Variants in PDXDC1 observed in about 807,000 individuals in gnomAD.
The protein encoded by PDXDC1 is pyridoxal dependent decarboxylase domain containing 1.
A neutral mutation model predicts 100.1 loss-of-function variants in PDXDC1; 42 were observed. The observed-to-expected ratio is 0.42, with a 90% CI of 0.33 to 0.54. PDXDC1 has a LOEUF of 0.54. Among genes scored for constraint, PDXDC1 ranks in the 20% least tolerant of loss-of-function variants. PDXDC1 has a pLI of 0.10. For missense variants in PDXDC1, 636 were observed against 979.2 expected, an observed-to-expected ratio of 0.65 and a Z score of 4.68; for synonymous variants, 260 against 371.7, an observed-to-expected ratio of 0.70 and a Z score of 3.46.
At chr16:15,062,172 G>A (rs1271228255) in intron 16 of PDXDC1, among the ~76,000 whole-genome samples, 1 of 152,084 alleles carries the variant, frequency 6.6e-6, no homozygotes, top group Non-Finnish European at 1.5e-5. Context: ...CAGAACAAAA[G>A]CTCCCTCTGA....
At chr16:15,111,455 T>TGAA (rs2047056713) in intron 16 of PDXDC1, among the ~76,000 whole-genome samples, 1 of 26,870 alleles carries the variant, frequency 3.7e-5, no homozygotes, top group African/African-American at 9.4e-5. Context: ...AAACTCTGTC[T>TGAA]CAAAAAAAAA....
chr16:15,076,593 C>T, intron 16 of PDXDC1: 1 of 1,613,296 alleles, frequency 6.2e-7, no homozygotes. Context: ...TCTGTCCCAC[C>T]ACAAGTTTGA....
rs945394625 is a variant in PDXDC1 at position 15,135,229 on chromosome 16, A to C, written c.1400-3650A>C. The C allele has an allele frequency of 1.9e-5, 15 of 778,206 alleles. No individual in the cohort carries two copies. The South Asian group carries it at 2.4e-4, about 12-fold the overall frequency. The allele number at this position is 778,206 out of a possible 1,614,324, so 48.2% of individuals were successfully genotyped here. A position where few individuals can be genotyped will look rare whatever the true frequency, so the allele number is the denominator to read the frequency against. On this transcript the variant is annotated intron_variant, in intron 16 of 16. Coordinates refer to the PDXDC1 transcript ENST00000535621. Reference sequence around the variant, plus strand: ...AAAACACGGAAAACAGTAGATGAGCAGGGAGGTTGGGCTGTCCAAGGCAAG... The same window carrying C: ...AAAACACGGAAAACAGTAGATGAGCCGGGAGGTTGGGCTGTCCAAGGCAAG...
At chr16:15,017,247 T>A in intron 10 of PDXDC1, 74 bp from the exon 11 acceptor site, 1 of 1,605,898 alleles carries the variant, frequency 6.2e-7, no homozygotes, top group Non-Finnish European at 8.5e-7. Flanking sequence ...CTCTTCACAG[T>A]TTTTATGAAT....
downstream of PDXDC1, chr16:15,041,562 A>G (rs2151692689): frequency 8.5e-7 from 1 of 1,176,386 alleles, no homozygotes; most frequent in Admixed American, 1.7e-5. Context: ...CCACTGCAAG[A>G]CTGGGGACAA....
chr16:15,064,772 G>T (rs1004543290), intron 16 of PDXDC1, among the ~76,000 whole-genome samples: 5 of 152,178 alleles, frequency 3.3e-5, no homozygotes, highest in African/African-American at 1.2e-4. Context: ...TGAAATATAC[G>T]CAGGGAGACC....
Position 15,127,501 on chromosome 16 carries a change from A to G in PDXDC1, c.1400-11378A>G, listed in dbSNP as rs769762365. 4 of 1,558,390 alleles carry G rather than the reference A, an allele frequency of 2.6e-6. No homozygotes were observed. In the Admixed American group the frequency reaches 5.3e-5, roughly 21 times the overall value. On this transcript the variant is annotated intron_variant, in intron 16 of 16. Coordinates refer to the PDXDC1 transcript ENST00000535621. ...CCGGGACATCCAGAAGAGAAAGAGGATGGCCAGGTAGACGGGATAGACAAC... is the reference window on the plus strand; with the variant it reads ...CCGGGACATCCAGAAGAGAAAGAGGGTGGCCAGGTAGACGGGATAGACAAC...
Position 15,111,497 on chromosome 16 carries a change from C to T in PDXDC1, c.1400-27382C>T, listed in dbSNP as rs1412307322. The stretch of plus-strand genomic sequence containing the variant: ...AAAATAGGCCAGGTGTGGTAGCTCA[C>T]GCCTGTAATCCTAGCACTTTGGGAG... On this transcript the variant is annotated intron_variant, in intron 16 of 16. Transcript: ENST00000535621. 5.4e-5 allele frequency among the ~76,000 whole-genome samples: 8 copies of T among 147,306 alleles called. No individual in the cohort carries two copies. In the Admixed American group the frequency reaches 5.4e-4, roughly 10 times the overall value.
chr16:15,096,358 C>T (rs1206753663), intron 16 of PDXDC1, among the ~76,000 whole-genome samples: 2 of 152,200 alleles, frequency 1.3e-5, no homozygotes, highest in Non-Finnish European at 2.9e-5. Context: ...ATCCGCCCGC[C>T]TTGGCATCCC....
intron 16 of PDXDC1, among the ~76,000 whole-genome samples, chr16:15,122,674 G>A (rs2047480879): frequency 6.6e-6 from 1 of 150,886 alleles, no homozygotes; most frequent in South Asian, 2.1e-4. Context: ...ATCCCAGCAG[G>A]AGCCAAAAGA....
At chr16:15,095,129 C>T (rs375011412) in intron 16 of PDXDC1, among the ~76,000 whole-genome samples, 8 of 152,156 alleles carry the variant, frequency 5.3e-5, no homozygotes, top group Non-Finnish European at 1.5e-5. Context: ...TGAGCCACCA[C>T]GCCCGGCCAA....
intron 16 of PDXDC1, among the ~76,000 whole-genome samples, chr16:15,106,587 C>G (rs1180752221): frequency 1.3e-5 from 2 of 149,904 alleles, no homozygotes; most frequent in Non-Finnish European, 3.0e-5. Context: ...AACCCTGTCT[C>G]TACTAAAAAT....
chr16:15,125,862 G>A (rs2047686764), intron 16 of PDXDC1: 2 of 853,198 alleles, frequency 2.3e-6, no homozygotes, highest in South Asian at 2.8e-5. Context: ...CTCAGGACCT[G>A]GATGAGAAGC....
intron 16 of PDXDC1, chr16:15,047,634 C>A: frequency 9.4e-7 from 1 of 1,067,356 alleles, no homozygotes; most frequent in South Asian, 1.3e-5. Context: ...TCCCTCCGGA[C>A]CGCCTCATCT....
At chr16:15,009,988 G>A (rs1425540869) in intron 8 of PDXDC1, among the ~76,000 whole-genome samples, 1 of 152,292 alleles carries the variant, frequency 6.6e-6, no homozygotes, top group African/African-American at 2.4e-5. Context: ...TTTTCATTTA[G>A]ATGGTAAATG....
chr16:15,091,144 C>A (rs1014118090), intron 16 of PDXDC1, among the ~76,000 whole-genome samples: 2 of 151,998 alleles, frequency 1.3e-5, no homozygotes, highest in Non-Finnish European at 2.9e-5. Flanking sequence ...GCAGCCATCA[C>A]CAAATGTCTT....
At chr16:15,006,156 A>G (rs1246855826) in intron 5 of PDXDC1, among the ~76,000 whole-genome samples, 1 of 152,258 alleles carries the variant, frequency 6.6e-6, no homozygotes, top group African/African-American at 2.4e-5. Flanking sequence ...TTGTTTTCAT[A>G]GTTTCTGCTC....
chr16:15,127,386 A>G (rs2151906969), intron 16 of PDXDC1: 2 of 1,059,620 alleles, frequency 1.9e-6, no homozygotes, highest in South Asian at 1.3e-5. Flanking sequence ...CTCTGGCTGC[A>G]GCACTGGAAA....
At chr16:15,132,897 A>C (rs2048175957) in intron 16 of PDXDC1, 10 of 1,591,932 alleles carry the variant, frequency 6.3e-6, no homozygotes, top group Non-Finnish European at 8.5e-6. Flanking sequence ...GCGGCACAGC[A>C]AGCTGTCAGC....
Sources: gnomAD v4.1 joint callset for allele counts (sites outside exome capture counted in the v4.1 genomes callset) on GRCh38, gnomAD v4.1.1 for gene constraint, MANE v1.5 for transcripts, NCBI Gene and HGNC (gene_info 2026-07-23, HGNC 2026-07-21) for gene names.